The following PCDHGB3 variants were observed in gnomAD, a reference collection of about 807,000 sequenced individuals.
The protein encoded by PCDHGB3 is protocadherin gamma-B3.
PCDHGB3 carries 40 observed loss-of-function variants against 59.2 expected under a neutral mutation model. The observed-to-expected ratio is 0.68, with a 90% confidence interval of 0.52 to 0.88. The LOEUF is 0.88. PCDHGB3 is among the 40% of genes least tolerant of loss of function. The pLI is 0.00. For missense variants in PCDHGB3, 1,309 were observed against 1,187.9 expected (o/e 1.10, Z -1.50); for synonymous variants, 581 against 503.6 (o/e 1.15, Z -2.06).
At position 141,421,815 on chromosome 5, in the gene PCDHGB3, A is replaced by C. The variant is rs746563152; in HGVS notation, c.2415+49006A>C. ...ATGGGGCCAAGAATCCAGAGCTAGTACTGGAGGGAAGCCTGGACCGAGAGA... is the reference window on the plus strand; with the variant it reads ...ATGGGGCCAAGAATCCAGAGCTAGTCCTGGAGGGAAGCCTGGACCGAGAGA... On this transcript the variant is annotated intron_variant, in intron 1 of 3. Coordinates refer to ENST00000576222, the MANE Select transcript of PCDHGB3 (RefSeq NM_018924.5). 4 of 1,613,764 alleles carry C rather than the reference A, an allele frequency of 2.5e-6. No individual in the cohort carries two copies. The South Asian group carries it at 3.3e-5, about 13-fold the overall frequency.
rs1491285973 is a variant in PCDHGB3, at chr5:141,415,739, GGT to G, written c.2415+42931_2415+42932del. 5.5e-5 allele frequency: 24 copies of G among 435,136 alleles called. No individual in the cohort carries two copies. The African/African-American group carries it at 7.2e-4, about 13-fold the overall frequency. 27.0% of individuals were successfully genotyped at this position (435,136 alleles called of 1,614,324 possible). A position where few individuals can be genotyped will look rare whatever the true frequency, so the allele number is the denominator to read the frequency against. On this transcript the variant is annotated intron_variant, in intron 1 of 3. Transcript: ENST00000576222. Reference sequence around the variant, plus strand: ...ATGAGTAGAATTTGATGTTTATTAAGGTTTTTTTTTTTTTTTTTTTTTTTTTT... The same window carrying G: ...ATGAGTAGAATTTGATGTTTATTAAGTTTTTTTTTTTTTTTTTTTTTTTTT...
intron 1 of PCDHGB3, chr5:141,468,346 AAAAG>A (rs2099164910): frequency 6.8e-6 from 1 of 147,210 alleles, no homozygotes; most frequent in South Asian, 2.2e-4. Flanking sequence ...AAAAAAAAAA[AAAAG>A]AAAGAAAAAA....
At chr5:141,376,660 T>G in intron 1 of PCDHGB3, 2 of 886,650 alleles carry the variant, frequency 2.3e-6, no homozygotes, top group South Asian at 3.6e-5. Flanking sequence ...GACTCCCTTG[T>G]TCAGGTGAGG....
Position 141,491,944 on chromosome 5 carries a change from C to T in PCDHGB3, c.2416-2863C>T, listed in dbSNP as rs1245968796. ...CGAGGGGAGGTGGGACCGACCCCCACCCCTACACTCAAAAAAGGCCGGGGC... is the reference window on the plus strand; with the variant it reads ...CGAGGGGAGGTGGGACCGACCCCCATCCCTACACTCAAAAAAGGCCGGGGC... On this transcript the variant is annotated intron_variant, in intron 1 of 3. Transcript: ENST00000576222. This position sits in a 1 kb window ranked among gnomAD's most constrained non-coding sequence, Gnocchi z 6.9. The T allele has an allele frequency of 1.8e-6, 2 of 1,120,156 alleles. No individual in the cohort carries two copies. Among genetic ancestry groups the T allele is most frequent in the Non-Finnish European group, 2.4e-6 (2 of 822,072 alleles). The allele number at this position is 1,120,156 out of a possible 1,614,324, so 69.4% of individuals were successfully genotyped here. A position where few individuals can be genotyped will look rare whatever the true frequency, so the allele number is the denominator to read the frequency against.
At chr5:141,433,096 C>A in intron 1 of PCDHGB3, 3 of 1,614,118 alleles carry the variant, frequency 1.9e-6, no homozygotes, top group Non-Finnish European at 2.5e-6. Context: ...CAGACATGCT[C>A]GTCAGCCAGG....
chr5:141,402,402 T>TTAAGATAC (rs1275769528), intron 1 of PCDHGB3, among the ~76,000 whole-genome samples: 2 of 152,012 alleles, frequency 1.3e-5, no homozygotes, highest in South Asian at 4.1e-4. Context: ...CAGAAAATTG[T>TTAAGATAC]TAAGATACAC....
chr5:141,435,558 T>C (rs1401876733), intron 1 of PCDHGB3, among the ~76,000 whole-genome samples: 1 of 152,136 alleles, frequency 6.6e-6, no homozygotes, highest in Non-Finnish European at 1.5e-5. Flanking sequence ...TTTTGAGTGC[T>C]TTTTTTAGTA....
chr5:141,423,674 C>G (rs57195665), intron 1 of PCDHGB3: 15 of 1,514,742 alleles, frequency 9.9e-6, no homozygotes, highest in African/African-American at 2.9e-5. Flanking sequence ...AGATTTATTT[C>G]TCTGCCTCCT....
In PCDHGB3 at chr5:141,420,182, C is replaced by G. The variant is rs375716662; in HGVS notation, c.2415+47373C>G. The G allele has an allele frequency of 3.7e-6, 6 of 1,613,694 alleles. No individual in the cohort carries two copies. In the African/African-American group the frequency reaches 8.0e-5, roughly 22 times the overall value. Reference sequence around the variant, plus strand: ...TTTTTTCACATCTGTTGATCATTGTCCAGCCACACAAGATAACCTCAACAA... The same window carrying G: ...TTTTTTCACATCTGTTGATCATTGTGCAGCCACACAAGATAACCTCAACAA... On this transcript the variant is annotated intron_variant, in intron 1 of 3. Transcript: ENST00000576222.
intron 1 of PCDHGB3, chr5:141,375,948 A>G (rs773530247): frequency 2.5e-6 from 4 of 1,613,438 alleles, no homozygotes; most frequent in Non-Finnish European, 2.5e-6. Context: ...GTGGGCCTGC[A>G]CACGGGCGAG....
chr5:141,510,613 C>T (rs559713771), intron 3 of PCDHGB3, among the ~76,000 whole-genome samples: 17 of 152,298 alleles, frequency 1.1e-4, no homozygotes, highest in Admixed American at 2.0e-4. Context: ...TTAGCATTCA[C>T]TAAAACCAGA....
chr5:141,485,601 G>T lies in PCDHGB3; in HGVS notation c.2416-9206G>T, dbSNP rs762783104. On this transcript the variant is annotated intron_variant, in intron 1 of 3. Transcript: ENST00000576222. The surrounding 1 kb of genome is among the most constrained non-coding windows in gnomAD (Gnocchi z 5.7). ...CGGCAGCAGCTGGACTTGGAAATTG[G>T]GGAGGCAGCTCCTCCAGGACAGCGT... The T allele has an allele frequency of 3.1e-6, 5 of 1,612,290 alleles. No individual in the cohort carries two copies. Among genetic ancestry groups the T allele is most frequent in the Non-Finnish European group, 4.2e-6 (5 of 1,178,722 alleles).
chr5:141,470,794 C>T (rs1332287628), intron 1 of PCDHGB3, among the ~76,000 whole-genome samples: 1 of 152,162 alleles, frequency 6.6e-6, no homozygotes, highest in African/African-American at 2.4e-5. Flanking sequence ...CTCAAGCAAT[C>T]CTCCCACTTC....
rs1484993556 is a variant in PCDHGB3, at chr5:141,372,809, G to C, written c.2415G>C (p.Lys805Asn). The change falls in exon 1 of 4, where the codon AAG becomes AAC. Residue 805 changes from lysine to asparagine, a missense_variant and splice_region_variant. Transcript: ENST00000576222. ...CTTCTAATTCAGGCAATTTGCAAAA[G>C]GTGAGTTTCTTCAAACCTTTCCTTC... ...EMPSNSGNLQ[K>N]QAPPNTDWRF... 5 of 1,587,612 alleles carry C rather than the reference G, an allele frequency of 3.1e-6. No individual in the cohort carries two copies. The highest frequency in any genetic ancestry group is 4.3e-6 in the Non-Finnish European group (5 of 1,166,094).
Position 141,387,762 on chromosome 5 carries a change from G to T in PCDHGB3, c.2415+14953G>T, listed in dbSNP as rs545222926. The T allele has an allele frequency of 3.5e-6, 5 of 1,424,676 alleles. No homozygotes were observed. The East Asian group carries it at 9.9e-5, about 28-fold the overall frequency. The allele number at this position is 1,424,676 out of a possible 1,614,324, so 88.3% of individuals were successfully genotyped here. ...CACCGCTTCCTCCTCGGAAAAAGAA[G>T]AATTTTTTCTTGAACTGGAACTGCA... On this transcript the variant is annotated intron_variant, in intron 1 of 3. Transcript: ENST00000576222.
chr5:141,410,420 C>T (rs1426515605), intron 1 of PCDHGB3: 4 of 1,613,926 alleles, frequency 2.5e-6, no homozygotes, highest in Non-Finnish European at 3.4e-6. Flanking sequence ...ACCTGTAGTT[C>T]CCCCCAACTA....
Position 141,489,730 on chromosome 5 carries a change from A to G in PCDHGB3, c.2416-5077A>G. The stretch of plus-strand genomic sequence containing the variant: ...CAGTGCCCAGGATCCGGATGTGGGC[A>G]CCAATACTGTGAGCTTTTACACTCT... On this transcript the variant is annotated intron_variant, in intron 1 of 3. Coordinates refer to ENST00000576222, the MANE Select transcript of PCDHGB3 (RefSeq NM_018924.5). This position sits in a 1 kb window ranked among gnomAD's most constrained non-coding sequence, Gnocchi z 4.5. 6.2e-7 allele frequency: 1 copy of G among 1,614,182 alleles called. No homozygotes were observed. Among genetic ancestry groups the G allele is most frequent in the Non-Finnish European group, 8.5e-7 (1 of 1,180,020 alleles).
chr5:141,451,993 C>G (rs1235806360), intron 1 of PCDHGB3, among the ~76,000 whole-genome samples: 4 of 152,164 alleles, frequency 2.6e-5, no homozygotes, highest in African/African-American at 7.2e-5. Context: ...TCATTAGAAG[C>G]AAAATCACTT....
chr5:141,434,401 T>C (rs1036239430), intron 1 of PCDHGB3, among the ~76,000 whole-genome samples: 2 of 152,242 alleles, frequency 1.3e-5, no homozygotes. Context: ...ACAAAATCTC[T>C]GCAGCACTGT....
Sources: allele counts gnomAD v4.1 joint callset (sites outside exome capture counted in the v4.1 genomes callset), GRCh38; gene constraint gnomAD v4.1.1; non-coding constraint Gnocchi (gnomAD v3.1); transcripts MANE v1.5; gene names NCBI Gene and HGNC (gene_info 2026-07-23, HGNC 2026-07-21).